Variants in EYS observed in about 807,000 individuals in gnomAD.
EYS encodes the protein protein eyes shut homolog.
A neutral mutation model predicts 282.1 loss-of-function variants in EYS; 250 were observed. The ratio of observed to expected loss-of-function variants is 0.89; its 90% confidence interval spans 0.80 to 0.98. EYS has a LOEUF of 0.98. Among genes scored for constraint, EYS ranks in the 50% least tolerant of loss-of-function variants. The pLI is 0.00. For missense variants in EYS, 4,016 were observed against 3,709.0 expected (o/e 1.08, Z -2.15); for synonymous variants, 1,355 against 1,282.9 (o/e 1.06, Z -1.20).
At chr6:64,590,158 C>T in intron 26 of EYS, 65 bp downstream of exon 26, 1 of 1,375,246 alleles carries the variant, frequency 7.3e-7, no homozygotes, top group Non-Finnish European at 9.7e-7. Context: ...ATGACAGGCT[C>T]TTTCTTCTCT....
intron 31 of EYS, among the ~76,000 whole-genome samples, chr6:64,115,875 A>G (rs1773366349): frequency 6.6e-6 from 1 of 152,142 alleles, no homozygotes; most frequent in Admixed American, 6.5e-5. Flanking sequence ...CTAACAATAA[A>G]TTCAAAATAT....
At chr6:64,827,143 G>A (rs528943651) in intron 19 of EYS, among the ~76,000 whole-genome samples, 2 of 151,844 alleles carry the variant, frequency 1.3e-5, no homozygotes, top group Admixed American at 6.6e-5. Flanking sequence ...GCTAAGGACC[G>A]CTGCTTTTTA....
At chr6:64,525,371 G>T (rs1777882428) in intron 26 of EYS, among the ~76,000 whole-genome samples, 1 of 151,692 alleles carries the variant, frequency 6.6e-6, no homozygotes, top group South Asian at 2.1e-4. Context: ...ATGTCTTTGT[G>T]GGAACATGGA....
intron 22 of EYS, among the ~76,000 whole-genome samples, chr6:64,759,532 T>C (rs1201863973): frequency 2.6e-5 from 4 of 152,210 alleles, no homozygotes; most frequent in African/African-American, 9.6e-5. Context: ...ACTAATAATT[T>C]AATTACACTT....
At chr6:64,388,613 T>C in intron 29 of EYS, 77 bp downstream of exon 29, 1 of 1,322,544 alleles carries the variant, frequency 7.6e-7, no homozygotes, top group Non-Finnish European at 1.0e-6. Flanking sequence ...CTAAAGTTTT[T>C]CTTTTTCATT....
chr6:65,139,770 G>A (rs1444847472), intron 12 of EYS, among the ~76,000 whole-genome samples: 3 of 151,980 alleles, frequency 2.0e-5, no homozygotes, highest in Non-Finnish European at 4.4e-5. Flanking sequence ...ATGTAAACTA[G>A]TTTGGCCATT....
At chr6:65,013,404 G>A (rs1583397660) in intron 13 of EYS, among the ~76,000 whole-genome samples, 1 of 152,154 alleles carries the variant, frequency 6.6e-6, no homozygotes, top group Non-Finnish European at 1.5e-5. Flanking sequence ...AGACGCGGGA[G>A]GTGGGGGGCA....
intron 22 of EYS, among the ~76,000 whole-genome samples, chr6:64,710,091 T>A (rs1396526330): frequency 6.6e-6 from 1 of 152,222 alleles, no homozygotes; most frequent in African/African-American, 2.4e-5. Flanking sequence ...CAAGAAAATA[T>A]TTTAATAAAC....
At position 63,720,777 on chromosome 6, in the gene EYS, C is replaced by G. The variant is rs1768347690; in HGVS notation, c.9254G>C (p.Cys3085Ser). The G allele has an allele frequency of 6.4e-7, 1 of 1,550,670 alleles. No individual in the cohort carries two copies. ...NFVALNYDGI[C>S]YLGGFEYGRK... ...ACCATATTCAAAGCCCCCTAGATAA[C>G]AAATGCCATCATAGTTTAGAGCCAC... Residue 3085 changes from cysteine (C) to serine (S), a missense_variant, in exon 43 of 43, where the codon TGT (cysteine) becomes TCT (serine). Cys to Ser is a moderately radical substitution (Grantham distance 112). Transcript: ENST00000503581.
intron 31 of EYS, among the ~76,000 whole-genome samples, chr6:64,228,012 G>A (rs1766301632): frequency 6.6e-6 from 1 of 152,018 alleles, no homozygotes; most frequent in Admixed American, 6.6e-5. Context: ...ATCATCTATA[G>A]CATGATTCAG....
chr6:63,921,277 C>T (rs1265213871), intron 35 of EYS, among the ~76,000 whole-genome samples: 2 of 152,186 alleles, frequency 1.3e-5, no homozygotes, highest in Admixed American at 6.5e-5. Context: ...GCACCATGTG[C>T]CAAAGCACTT....
intron 22 of EYS, among the ~76,000 whole-genome samples, chr6:64,725,205 C>T (rs907178824): frequency 1.3e-5 from 2 of 152,068 alleles, no homozygotes; most frequent in East Asian, 1.9e-4. Flanking sequence ...CTTTGGACCA[C>T]GATGTTCTTG....
chr6:65,336,944 T>C (rs938847087), intron 10 of EYS, among the ~76,000 whole-genome samples: 3 of 151,486 alleles, frequency 2.0e-5, no homozygotes, highest in African/African-American at 7.3e-5. Context: ...TACAAGTAAA[T>C]TCAAATGACA....
At chr6:65,276,620 A>AT (rs1409638769) in intron 12 of EYS, among the ~76,000 whole-genome samples, 1 of 152,122 alleles carries the variant, frequency 6.6e-6, no homozygotes, top group East Asian at 1.9e-4. Context: ...CTTTCTTGGT[A>AT]TTACAATGCT....
chr6:64,685,846 A>G (rs1034181439), intron 22 of EYS, among the ~76,000 whole-genome samples: 1 of 152,196 alleles, frequency 6.6e-6, no homozygotes, highest in Admixed American at 6.6e-5. Flanking sequence ...AAAATACCCT[A>G]TCTTTTCAAC....
chr6:64,500,121 T>C (rs1408621466), intron 26 of EYS, among the ~76,000 whole-genome samples: 2 of 152,108 alleles, frequency 1.3e-5, no homozygotes, highest in Non-Finnish European at 2.9e-5. Flanking sequence ...GTTAGCTAAA[T>C]GTAATCATTT....
At chr6:64,707,103 G>A (rs1450571942) in intron 22 of EYS, among the ~76,000 whole-genome samples, 1 of 116,590 alleles carries the variant, frequency 8.6e-6, no homozygotes, top group Non-Finnish European at 1.9e-5. Flanking sequence ...AGATATATAT[G>A]CATACACACA....
At chr6:64,950,835 T>TA (rs1562272809) in intron 14 of EYS, among the ~76,000 whole-genome samples, 2,010 of 49,566 alleles carry the variant, frequency 0.041, 68 homozygotes, top group East Asian at 0.053. Context: ...ATATATATAT[T>TA]GTTGAATTGT....
At chr6:65,276,999 A>G (rs1405468294) in intron 12 of EYS, among the ~76,000 whole-genome samples, 1 of 152,204 alleles carries the variant, frequency 6.6e-6, no homozygotes, top group African/African-American at 2.4e-5. Context: ...ATGACAACAA[A>G]CTACATGTTT....
Sources: gnomAD v4.1 joint callset for allele counts (sites outside exome capture counted in the v4.1 genomes callset) on GRCh38, gnomAD v4.1.1 for gene constraint, MANE v1.5 for transcripts, NCBI Gene and HGNC (gene_info 2026-07-23, HGNC 2026-07-21) for gene names.